The following EFNA5 variants were observed in gnomAD, a reference collection of about 807,000 sequenced individuals.
The protein encoded by EFNA5 is ephrin A5.
A neutral mutation model predicts 22.9 loss-of-function variants in EFNA5; 5 were observed. The ratio of observed to expected loss-of-function variants is 0.22; its 90% confidence interval spans 0.11 to 0.46. The LOEUF (loss-of-function observed/expected upper bound fraction) is 0.46, where lower values mean the gene tolerates loss of function less well. Among genes scored for constraint, EFNA5 ranks in the 20% least tolerant of loss-of-function variants. EFNA5 has a pLI of 0.99. For synonymous variants in EFNA5, 113 were observed against 112.2 expected, an observed-to-expected ratio of 1.01 and a Z score of -0.04; for missense variants, 237 against 293.3, an observed-to-expected ratio of 0.81 and a Z score of 1.40.
chr5:107,496,834 A>G (rs1746999446), intron 1 of EFNA5, among the ~76,000 whole-genome samples: 1 of 152,212 alleles, frequency 6.6e-6, no homozygotes. Context: ...CCTTCAGACT[A>G]GGCCATAATC....
At chr5:107,638,807 G>A (rs534793586) in intron 1 of EFNA5, among the ~76,000 whole-genome samples, 10 of 152,114 alleles carry the variant, frequency 6.6e-5, no homozygotes, top group Middle Eastern at 3.4e-3. Context: ...GATCTTAAGC[G>A]TTCTCACTAT....
chr5:107,641,443 T>C (rs1158790110), intron 1 of EFNA5, among the ~76,000 whole-genome samples: 8 of 152,148 alleles, frequency 5.3e-5, no homozygotes, highest in Admixed American at 5.2e-4. Context: ...TAATCATCAA[T>C]TTCCAGTGCT....
At chr5:107,417,718 T>A (rs1009308620) in intron 2 of EFNA5, among the ~76,000 whole-genome samples, 2 of 152,126 alleles carry the variant, frequency 1.3e-5, no homozygotes, top group Admixed American at 1.3e-4. Context: ...CTAGAGATAT[T>A]TTTTTAGCAA....
At chr5:107,424,946 T>C (rs1390245580) in intron 2 of EFNA5, among the ~76,000 whole-genome samples, 1 of 152,218 alleles carries the variant, frequency 6.6e-6, no homozygotes, top group Non-Finnish European at 1.5e-5. Context: ...CAAGCCACTG[T>C]GCTTCTTGTT....
At chr5:107,382,890 C>T (rs959683272) in intron 4 of EFNA5, among the ~76,000 whole-genome samples, 1 of 152,170 alleles carries the variant, frequency 6.6e-6, no homozygotes, top group African/African-American at 2.4e-5. Flanking sequence ...CCCTGGATGA[C>T]CCACCTCAAA....
At chr5:107,591,650 G>T (rs1221954929) in intron 1 of EFNA5, among the ~76,000 whole-genome samples, 4 of 149,212 alleles carry the variant, frequency 2.7e-5, no homozygotes, top group Non-Finnish European at 5.9e-5. Flanking sequence ...GTGAAACCTG[G>T]TCTCTACTAA....
chr5:107,642,040 G>A (rs1750535688), intron 1 of EFNA5, among the ~76,000 whole-genome samples: 1 of 152,166 alleles, frequency 6.6e-6, no homozygotes, highest in Non-Finnish European at 1.5e-5. Flanking sequence ...GGCAGAGAAG[G>A]CCTGGCCCAA....
intron 1 of EFNA5, among the ~76,000 whole-genome samples, chr5:107,471,232 C>A (rs893290942): frequency 6.6e-6 from 1 of 152,168 alleles, no homozygotes; most frequent in Non-Finnish European, 1.5e-5. Context: ...CAGGACTCTT[C>A]TGTAACCTGG....
intron 1 of EFNA5, among the ~76,000 whole-genome samples, chr5:107,515,360 A>ATTT (rs1195384899): frequency 1.9e-4 from 21 of 113,442 alleles, no homozygotes; most frequent in African/African-American, 7.7e-4. Flanking sequence ...TTTATTTTTT[A>ATTT]TTTTATTATT....
At chr5:107,515,365 A>T (rs917370083) in intron 1 of EFNA5, among the ~76,000 whole-genome samples, 2 of 45,608 alleles carry the variant, frequency 4.4e-5, no homozygotes, top group African/African-American at 8.7e-5. Context: ...TTTTTATTTT[A>T]TTATTATTAT....
chr5:107,560,076 T>C (rs1242499240), intron 1 of EFNA5, among the ~76,000 whole-genome samples: 2 of 152,220 alleles, frequency 1.3e-5, no homozygotes, highest in Non-Finnish European at 2.9e-5. Context: ...TATATAAAAC[T>C]AGATTTACTC....
At chr5:107,531,528 T>A (rs1055993715) in intron 1 of EFNA5, among the ~76,000 whole-genome samples, 1 of 152,206 alleles carries the variant, frequency 6.6e-6, no homozygotes, top group Non-Finnish European at 1.5e-5. Flanking sequence ...TCATGCAGAA[T>A]AGATCTTTCT....
rs1196544245 is a variant in EFNA5 at position 107,405,892 on chromosome 5, CT to C, written c.419-18122del. On this transcript the variant is annotated intron_variant, in intron 2 of 4. Coordinates refer to ENST00000333274, the MANE Select transcript of EFNA5 (RefSeq NM_001962.3). ...AAATACATATATTTGTATACATATT[CT>C]ATGTATTTATATACATAGAATGTAT... 6.3e-4 allele frequency among the ~76,000 whole-genome samples: 92 copies of C among 146,854 alleles called. 3 individuals are homozygous for C. The South Asian group carries it at 0.02, about 32-fold the overall frequency.
In EFNA5 at chr5:107,415,177, T is replaced by TTA. The variant is rs147069685; in HGVS notation, c.418+12038_418+12039dup. Among the ~76,000 whole-genome samples, 359 of 147,936 alleles carry TTA rather than the reference T, an allele frequency of 2.4e-3. 1 individual carries two copies. Among genetic ancestry groups the TTA allele is most frequent in the South Asian group, 5.2e-3 (25 of 4,762 alleles). Reference sequence around the variant, plus strand: ...TACCTGTGATAAAGTATGGATGAGATTATATATATATATATACATATGGAA... The same window carrying TTA: ...TACCTGTGATAAAGTATGGATGAGATTATATATATATATATATACATATGGAA... On this transcript the variant is annotated intron_variant, in intron 2 of 4. Coordinates refer to ENST00000333274, the MANE Select transcript of EFNA5 (RefSeq NM_001962.3).
chr5:107,401,087 G>A (rs1047962639), intron 2 of EFNA5, among the ~76,000 whole-genome samples: 3 of 152,068 alleles, frequency 2.0e-5, no homozygotes, highest in Non-Finnish European at 2.9e-5. Flanking sequence ...ATGGAAAAAA[G>A]GATAACCATC....
Position 107,427,333 on chromosome 5 carries a change from T to C in EFNA5, c.302A>G (p.Glu101Gly). The C allele has an allele frequency of 6.2e-7, 1 of 1,614,096 alleles. No individual in the cohort carries two copies. Among genetic ancestry groups the C allele is most frequent in the Non-Finnish European group, 8.5e-7 (1 of 1,179,988 alleles). The change falls in exon 2 of 5, where the codon GAA (glutamate) becomes GGA (glycine). Residue 101 changes from glutamate (E) to glycine (G), a missense_variant. Transcript: ENST00000333274. Reference sequence around the variant, plus strand: ...ATTTGGAGAGTGAGGCCGGTTACATTCCCATCTCTTGAACCCTTTGGAAGT... The same window carrying C: ...ATTTGGAGAGTGAGGCCGGTTACATCCCCATCTCTTGAACCCTTTGGAAGT... ...DHTSKGFKRW[E>G]CNRPHSPNGP...
chr5:107,387,703 T>C lies in EFNA5; in HGVS notation c.484+3A>G. On this transcript the variant is annotated splice_donor_region_variant and intron_variant, in intron 3 of 4. Transcript: ENST00000333274. The stretch of plus-strand genomic sequence containing the variant: ...CCTCTGAAGCTCATTCTAGTGAACT[T>C]ACTTGTTGGTCTCACAAAGACTTTG... The C allele has an allele frequency of 3.1e-6, 5 of 1,608,738 alleles. No individual in the cohort carries two copies. The highest frequency in any genetic ancestry group is 4.3e-6 in the Non-Finnish European group (5 of 1,175,998).
At chr5:107,428,168 A>AAC in intron 1 of EFNA5, among the ~76,000 whole-genome samples, 1 of 152,234 alleles carries the variant, frequency 6.6e-6, no homozygotes, top group Non-Finnish European at 1.5e-5. Flanking sequence ...ATCCCAGTTC[A>AAC]GTGCTTTTCT....
intron 1 of EFNA5, among the ~76,000 whole-genome samples, chr5:107,663,342 G>A (rs1751004060): frequency 3.3e-5 from 5 of 152,014 alleles, no homozygotes; most frequent in Admixed American, 3.3e-4. Flanking sequence ...TTCCAACATG[G>A]TAATCCATAT....
Sources: allele counts gnomAD v4.1 joint callset (sites outside exome capture counted in the v4.1 genomes callset), GRCh38; gene constraint gnomAD v4.1.1; transcripts MANE v1.5; gene names NCBI Gene and HGNC (gene_info 2026-07-23, HGNC 2026-07-21).